SEMA3C: variants seen among roughly 807,000 people sequenced by gnomAD.
The protein encoded by SEMA3C is semaphorin-3C.
Under a neutral mutation model 89.4 loss-of-function variants are expected in SEMA3C, and 47 were observed. That is an observed-to-expected ratio of 0.53 (90% CI 0.42 to 0.67). SEMA3C has a LOEUF of 0.67. SEMA3C is among the 30% of genes least tolerant of loss of function. The probability of loss-of-function intolerance (pLI) is 0.00; values close to 1 mark genes in which losing one functional copy is unlikely to be tolerated. For missense variants in SEMA3C, 839 were observed against 929.1 expected (o/e 0.90, Z 1.26); for synonymous variants, 310 against 320.2 (o/e 0.97, Z 0.34).
At chr7:80,902,863 T>C (rs1240577757) in intron 2 of SEMA3C, among the ~76,000 whole-genome samples, 1 of 152,184 alleles carries the variant, frequency 6.6e-6, no homozygotes, top group African/African-American at 2.4e-5. Context: ...CATTAGCCCA[T>C]GGCTTTTCTG....
chr7:80,872,715 C>T (rs757360405), intron 2 of SEMA3C, among the ~76,000 whole-genome samples: 6 of 147,924 alleles, frequency 4.1e-5, no homozygotes, highest in Admixed American at 2.8e-4. Context: ...ACAGGAGAAT[C>T]GCTTGAACCC....
intron 4 of SEMA3C, among the ~76,000 whole-genome samples, chr7:80,822,811 A>G (rs568587953): frequency 1.3e-4 from 20 of 152,146 alleles, no homozygotes; most frequent in Non-Finnish European, 7.4e-5. Context: ...CAACTGTCCA[A>G]TATTAGATTT....
intron 11 of SEMA3C, among the ~76,000 whole-genome samples, chr7:80,794,544 C>G (rs1196387931): frequency 6.6e-6 from 1 of 152,124 alleles, no homozygotes; most frequent in Non-Finnish European, 1.5e-5. Flanking sequence ...CTTCTCGTAT[C>G]CTTGCCACTA....
At chr7:80,829,187 T>A (rs1387029197) in intron 2 of SEMA3C, among the ~76,000 whole-genome samples, 3 of 152,098 alleles carry the variant, frequency 2.0e-5, no homozygotes, top group African/African-American at 7.2e-5. Context: ...GTTATGTTAA[T>A]GGGCATTTTA....
At chr7:80,887,345 G>T (rs1355348523) in intron 2 of SEMA3C, among the ~76,000 whole-genome samples, 1 of 152,116 alleles carries the variant, frequency 6.6e-6, no homozygotes, top group African/African-American at 2.4e-5. Flanking sequence ...ACGATTTATT[G>T]AAACTTTATG....
intron 2 of SEMA3C, among the ~76,000 whole-genome samples, chr7:80,872,396 A>G (rs1304086114): frequency 2.6e-5 from 4 of 152,122 alleles, no homozygotes; most frequent in African/African-American, 7.2e-5. Flanking sequence ...CAGGTGAACC[A>G]TCCACCTCAG....
chr7:80,892,609 C>G (rs990486588), intron 2 of SEMA3C, among the ~76,000 whole-genome samples: 15 of 151,994 alleles, frequency 9.9e-5, no homozygotes, highest in Non-Finnish European at 1.8e-4. Flanking sequence ...TATAGAAAAG[C>G]TGATATTTTT....
At chr7:80,906,200 T>C (rs58594345) in intron 2 of SEMA3C, among the ~76,000 whole-genome samples, 2,619 of 152,294 alleles carry the variant, frequency 0.017, 80 homozygotes, top group African/African-American at 0.059. Context: ...AAAATGTCTA[T>C]GCTATTAAGG....
chr7:80,840,475 C>T (rs963294074), intron 2 of SEMA3C, among the ~76,000 whole-genome samples: 6 of 140,950 alleles, frequency 4.3e-5, no homozygotes, highest in African/African-American at 1.6e-4. Context: ...GCTGTGATTG[C>T]ACCACTGCAC....
rs772310296 is a variant in SEMA3C, at chr7:80,789,327, G to A, written c.1333C>T (p.His445Tyr). Residue 445 changes from histidine (H) to tyrosine (Y), a missense_variant, in exon 12 of 18, where the codon CAT becomes TAT. His to Tyr is a moderately conservative substitution (Grantham distance 83). Coordinates refer to ENST00000265361, the MANE Select transcript of SEMA3C (RefSeq NM_006379.5). The part of the protein sequence containing the change: ...DRVNAADGRY[H>Y]VLFLGTDRGT... Reference sequence around the variant, plus strand: ...TTACCTGTTCCGAGAAACAGGACATGGTATCTCCCATCAGCAGCGTTCACT... The same window carrying A: ...TTACCTGTTCCGAGAAACAGGACATAGTATCTCCCATCAGCAGCGTTCACT... The A allele has an allele frequency of 6.2e-7, 1 of 1,613,600 alleles. No homozygotes were observed. The highest frequency in any genetic ancestry group is 1.7e-5 in the Admixed American group (1 of 59,978).
chr7:80,803,216 T>C (rs1360558941), intron 8 of SEMA3C, among the ~76,000 whole-genome samples: 2 of 152,122 alleles, frequency 1.3e-5, no homozygotes, highest in African/African-American at 4.8e-5. Context: ...CCCAACAGTT[T>C]TACATTCACT....
In SEMA3C at chr7:80,818,289, T is replaced by G; in HGVS notation, c.447+10A>C. The stretch of plus-strand genomic sequence containing the variant: ...TATCAAAACTAAGAATGTTAAATAG[T>G]TATACTTACCTCTGATCTCCTCCCT... On this transcript the variant is annotated intron_variant, in intron 5 of 17. Coordinates refer to ENST00000265361, the MANE Select transcript of SEMA3C (RefSeq NM_006379.5). 2 of 1,589,742 alleles carry G rather than the reference T, an allele frequency of 1.3e-6. No homozygotes were observed. Among genetic ancestry groups the G allele is most frequent in the Non-Finnish European group, 1.7e-6 (2 of 1,162,576 alleles).
chr7:80,805,389 C>T (rs1015924754), intron 7 of SEMA3C, among the ~76,000 whole-genome samples: 3 of 151,994 alleles, frequency 2.0e-5, no homozygotes, highest in African/African-American at 7.2e-5. Context: ...ATCACTGTCA[C>T]TTTTATTTAT....
intron 2 of SEMA3C, among the ~76,000 whole-genome samples, chr7:80,897,989 A>G (rs1791780589): frequency 6.6e-6 from 1 of 152,144 alleles, no homozygotes; most frequent in Non-Finnish European, 1.5e-5. Context: ...CAATTGTCCT[A>G]AAGGATAACG....
At chr7:80,920,818 T>C (rs562392901), upstream of SEMA3C, among the ~76,000 whole-genome samples, 22 of 152,352 alleles carry the variant, frequency 1.4e-4, no homozygotes, top group African/African-American at 5.3e-4. Flanking sequence ...TGCGTGCTTC[T>C]CTGAAATACT....
chr7:80,866,910 G>T (rs533269628), intron 2 of SEMA3C, among the ~76,000 whole-genome samples: 2 of 152,114 alleles, frequency 1.3e-5, no homozygotes, highest in African/African-American at 2.4e-5. Context: ...CTACATGTGC[G>T]TACAGAAAAT....
chr7:80,876,716 T>C (rs1388550439), intron 2 of SEMA3C, among the ~76,000 whole-genome samples: 2 of 152,266 alleles, frequency 1.3e-5, no homozygotes, highest in African/African-American at 2.4e-5. Context: ...TAGTTGCCTC[T>C]GCATTATAAA....
chr7:80,870,560 G>T (rs1354940814), intron 2 of SEMA3C, among the ~76,000 whole-genome samples: 1 of 152,156 alleles, frequency 6.6e-6, no homozygotes, highest in South Asian at 2.1e-4. Flanking sequence ...GGCGTACCAC[G>T]TATCAGAGAT....
intron 6 of SEMA3C, among the ~76,000 whole-genome samples, chr7:80,806,308 A>T (rs17154468): frequency 0.014 from 2,115 of 152,224 alleles, 63 homozygotes; most frequent in Admixed American, 0.068. Context: ...AATTTCTAAG[A>T]TCATCCTAAA....
Sources: gnomAD v4.1 joint callset for allele counts (sites outside exome capture counted in the v4.1 genomes callset) on GRCh38, gnomAD v4.1.1 for gene constraint, MANE v1.5 for transcripts, NCBI Gene and HGNC (gene_info 2026-07-23, HGNC 2026-07-21) for gene names.